The following BAIAP2 variants were observed in gnomAD, a reference collection of about 807,000 sequenced individuals.
BAIAP2 encodes BAR/IMD domain-containing adapter protein 2.
Under a neutral mutation model 63.0 loss-of-function variants are expected in BAIAP2, and 18 were observed. That is an observed-to-expected ratio of 0.29 (90% CI 0.20 to 0.42). The LOEUF (loss-of-function observed/expected upper bound fraction) is 0.42. Among genes scored for constraint, BAIAP2 ranks in the 10% least tolerant of loss-of-function variants. BAIAP2 has a pLI of 1.00. For synonymous variants in BAIAP2, 386 were observed against 307.6 expected (o/e 1.25, Z -2.67); for missense variants, 610 against 734.3 (o/e 0.83, Z 1.96).
chr17:81,084,084 G>A (rs574966194), intron 3 of BAIAP2, among the ~76,000 whole-genome samples: 9 of 152,308 alleles, frequency 5.9e-5, no homozygotes, highest in Admixed American at 2.6e-4. Flanking sequence ...GTGCCGCCAC[G>A]ATTTTGATTT....
chr17:81,089,815 G>A lies in BAIAP2; in HGVS notation c.489+3235G>A, dbSNP rs900296268. ...GGGCGGGGACCATGTGGGCGGAGAGGGCAGGCAGGGCCCCGAAGCGCATGG... is the reference window on the plus strand; with the variant it reads ...GGGCGGGGACCATGTGGGCGGAGAGAGCAGGCAGGGCCCCGAAGCGCATGG... On this transcript the variant is annotated intron_variant, in intron 6 of 13. Transcript: ENST00000428708. Among the ~76,000 whole-genome samples, 7 of 152,258 alleles carry A rather than the reference G, an allele frequency of 4.6e-5. 1 individual carries two copies. The South Asian group carries it at 1.0e-3, about 22-fold the overall frequency.
chr17:81,109,132 G>T (rs1458138274), intron 13 of BAIAP2: 2 of 1,452,390 alleles, frequency 1.4e-6, no homozygotes, highest in Non-Finnish European at 1.8e-6. Context: ...ATGCCTTTTG[G>T]TTGGTGACCC....
chr17:81,047,383 TAA>T (rs2047967804), intron 1 of BAIAP2, among the ~76,000 whole-genome samples: 1 of 152,200 alleles, frequency 6.6e-6, no homozygotes, highest in Non-Finnish European at 1.5e-5. Flanking sequence ...GATGAGGGTC[TAA>T]GGCAGCCGGA....
intron 13 of BAIAP2, chr17:81,111,030 T>G: frequency 6.3e-7 from 1 of 1,582,538 alleles, no homozygotes; most frequent in South Asian, 1.1e-5. Flanking sequence ...CTGGCCTCAG[T>G]CACGCAGCCT....
chr17:81,040,183 G>A (rs187441302), intron 1 of BAIAP2, among the ~76,000 whole-genome samples: 1 of 152,344 alleles, frequency 6.6e-6, no homozygotes, highest in Non-Finnish European at 1.5e-5. Context: ...GCCAGAGTCT[G>A]CCCTGTGTTG....
chr17:81,099,345 G>A (rs1346435019), intron 6 of BAIAP2, among the ~76,000 whole-genome samples: 1 of 152,108 alleles, frequency 6.6e-6, no homozygotes, highest in Non-Finnish European at 1.5e-5. Context: ...GATGAGGTGC[G>A]CCCGGAGTCC....
At chr17:81,108,640 C>T (rs1362032962) in intron 13 of BAIAP2, 131 bp downstream of exon 13, 11 of 1,229,526 alleles carry the variant, frequency 8.9e-6, no homozygotes, top group Non-Finnish European at 1.3e-5. Context: ...TCACCCCTGT[C>T]AGAGCCGGGG....
At chr17:81,092,525 C>T (rs148482846) in intron 6 of BAIAP2, among the ~76,000 whole-genome samples, 79 of 152,294 alleles carry the variant, frequency 5.2e-4, no homozygotes, top group Non-Finnish European at 6.5e-4. Flanking sequence ...GGGCTGGGCC[C>T]GGGGGCCTCC....
At chr17:81,036,749 G>C in intron 1 of BAIAP2, 1 of 904,410 alleles carries the variant, frequency 1.1e-6, no homozygotes. Flanking sequence ...GTTTCACAGA[G>C]TCTGTGGCAT....
chr17:81,083,357 C>T (rs1253456878), intron 3 of BAIAP2: 1 of 152,284 alleles, frequency 6.6e-6, no homozygotes, highest in African/African-American at 2.4e-5. Flanking sequence ...CGAGAGTGAC[C>T]TGCCAGCAGC....
At chr17:81,040,525 C>T (rs1462931750) in intron 1 of BAIAP2, among the ~76,000 whole-genome samples, 4 of 152,254 alleles carry the variant, frequency 2.6e-5, no homozygotes, top group African/African-American at 7.2e-5. Flanking sequence ...TCTGTGACTG[C>T]AAGGGCTTGA....
intron 2 of BAIAP2, chr17:81,057,581 C>G (rs2049806255): frequency 9.2e-7 from 1 of 1,088,178 alleles, no homozygotes; most frequent in African/African-American, 1.6e-5. Flanking sequence ...CCCCCCGGCC[C>G]TGCCTGGTAG....
chr17:81,116,106 C>T lies in BAIAP2; in HGVS notation c.*267C>T, dbSNP rs2060516204. On this transcript the variant is annotated 3_prime_UTR_variant, in exon 14 of 14. Transcript: ENST00000428708. ...TCTTGAGGGTACACGCCTCTGGTCA[C>T]ATGGCCATGGAGCCTTGGGTACCCC... 4 of 1,548,044 alleles carry T rather than the reference C, an allele frequency of 2.6e-6. No individual in the cohort carries two copies. The South Asian group carries it at 3.6e-5, about 14-fold the overall frequency.
chr17:81,066,273 C>T (rs1475339367), intron 3 of BAIAP2, among the ~76,000 whole-genome samples: 1 of 152,264 alleles, frequency 6.6e-6, no homozygotes, highest in Admixed American at 6.5e-5. Flanking sequence ...CCGGCATCCC[C>T]AGGTGCCCGG....
rs7221485 is a variant in BAIAP2, at chr17:81,067,483, G to A, written c.217+9516G>A. 5.8e-3 allele frequency among the ~76,000 whole-genome samples: 888 copies of A among 152,346 alleles called. 13 individuals carry two copies. Among genetic ancestry groups the A allele is most frequent in the African/African-American group, 0.021 (862 of 41,586 alleles). On this transcript the variant is annotated intron_variant, in intron 3 of 13. Transcript: ENST00000428708. The stretch of plus-strand genomic sequence containing the variant: ...GCCCGCCTGCCAACAGCTTTGCGGT[G>A]CAGGCTGAGCTCTGCAGGGAGATTA...
At chr17:81,083,255 C>T (rs976618539) in intron 3 of BAIAP2, 1 of 152,346 alleles carries the variant, frequency 6.6e-6, no homozygotes, top group Non-Finnish European at 1.5e-5. Context: ...GCGAGAGGAC[C>T]CTCTGGGGCG....
At chr17:81,093,009 G>T (rs1363813369) in intron 6 of BAIAP2, among the ~76,000 whole-genome samples, 2 of 152,100 alleles carry the variant, frequency 1.3e-5, no homozygotes, top group South Asian at 2.1e-4. Flanking sequence ...AGCAGGGCCC[G>T]GGGGACGTGT....
At chr17:81,084,601 A>G (rs2145263549) in intron 3 of BAIAP2, among the ~76,000 whole-genome samples, 1 of 152,246 alleles carries the variant, frequency 6.6e-6, no homozygotes, top group South Asian at 2.1e-4. Context: ...TTCCCTCCCA[A>G]AGATGCCAGG....
intron 1 of BAIAP2, among the ~76,000 whole-genome samples, chr17:81,036,548 A>G (rs1032321842): frequency 3.3e-5 from 5 of 152,180 alleles, no homozygotes; most frequent in African/African-American, 1.2e-4. Flanking sequence ...CAGGGGGCCG[A>G]TTGCACTTGA....
Sources: gnomAD v4.1 joint callset for allele counts (sites outside exome capture counted in the v4.1 genomes callset) on GRCh38, gnomAD v4.1.1 for gene constraint, MANE v1.5 for transcripts, NCBI Gene and HGNC (gene_info 2026-07-23, HGNC 2026-07-21) for gene names.